The following FBXL7 variants were observed in gnomAD, a reference collection of about 807,000 sequenced individuals.
FBXL7 encodes F-box and leucine rich repeat protein 7.
In FBXL7, 12 loss-of-function variants were observed where a neutral mutation model predicts 38.3. The ratio of observed to expected loss-of-function variants is 0.31; its 90% CI spans 0.20 to 0.51. The LOEUF (loss-of-function observed/expected upper bound fraction) is 0.51. FBXL7 is among the 20% of genes least tolerant of loss of function. FBXL7 has a pLI of 0.98. For missense variants in FBXL7, 567 were observed against 676.4 expected (o/e 0.84, Z 1.79); for synonymous variants, 297 against 300.9 (o/e 0.99, Z 0.13).
At chr5:15,898,242 A>G (rs980494145) in intron 2 of FBXL7, among the ~76,000 whole-genome samples, 11 of 152,204 alleles carry the variant, frequency 7.2e-5, no homozygotes, top group African/African-American at 2.2e-4. Flanking sequence ...TCAGCCAGCA[A>G]CTATCCATCA....
intron 2 of FBXL7, among the ~76,000 whole-genome samples, chr5:15,668,860 A>G (rs188191935): frequency 3.3e-5 from 5 of 152,344 alleles, no homozygotes; most frequent in Admixed American, 1.3e-4. Context: ...CTATGAAATT[A>G]TATTTCTTGT....
intron 2 of FBXL7, among the ~76,000 whole-genome samples, chr5:15,890,734 G>T (rs1305688011): frequency 6.6e-6 from 1 of 152,152 alleles, no homozygotes; most frequent in Non-Finnish European, 1.5e-5. Flanking sequence ...GTGCCGAAAA[G>T]GCTGGGGACC....
chr5:15,683,575 G>A lies in FBXL7; in HGVS notation c.127+67503G>A, dbSNP rs145238260. Among the ~76,000 whole-genome samples, 8 of 152,248 alleles carry A rather than the reference G, an allele frequency of 5.3e-5. No individual in the cohort carries two copies. In the East Asian group the frequency reaches 1.4e-3, roughly 26 times the overall value. On this transcript the variant is annotated intron_variant, in intron 2 of 3. Transcript: ENST00000504595. ...AGGGTGGAAATTTTAATGTATCTAGGAAGAAAGGAAATTTATTTCACAATA... is the reference window on the plus strand; with the variant it reads ...AGGGTGGAAATTTTAATGTATCTAGAAAGAAAGGAAATTTATTTCACAATA...
At chr5:15,530,185 T>G (rs541895166) in intron 1 of FBXL7, among the ~76,000 whole-genome samples, 1 of 152,320 alleles carries the variant, frequency 6.6e-6, no homozygotes, top group Non-Finnish European at 1.5e-5. Context: ...CCTCCTTACT[T>G]TACATTAAGT....
intron 2 of FBXL7, among the ~76,000 whole-genome samples, chr5:15,637,540 A>G (rs1176388920): frequency 6.6e-6 from 1 of 152,242 alleles, no homozygotes; most frequent in Non-Finnish European, 1.5e-5. Flanking sequence ...AGTTCTTTCA[A>G]TGGTAAGAGC....
At chr5:15,569,741 T>C (rs1193628947) in intron 1 of FBXL7, among the ~76,000 whole-genome samples, 3 of 152,298 alleles carry the variant, frequency 2.0e-5, no homozygotes, top group African/African-American at 7.2e-5. Flanking sequence ...CATAGATAGC[T>C]CTTTTTATTT....
At chr5:15,924,856 G>A (rs1459008974) in intron 2 of FBXL7, among the ~76,000 whole-genome samples, 4 of 152,030 alleles carry the variant, frequency 2.6e-5, no homozygotes, top group African/African-American at 9.7e-5. Flanking sequence ...CAAACTCTTG[G>A]CCTCAAGTGA....
intron 2 of FBXL7, among the ~76,000 whole-genome samples, chr5:15,912,826 C>T (rs1028725826): frequency 1.3e-5 from 2 of 152,024 alleles, no homozygotes; most frequent in Non-Finnish European, 2.9e-5. Context: ...AAGCCCTGCC[C>T]TAGAAAGGGG....
intron 1 of FBXL7, among the ~76,000 whole-genome samples, chr5:15,529,005 C>T (rs1027935444): frequency 6.6e-6 from 1 of 152,110 alleles, no homozygotes; most frequent in South Asian, 2.1e-4. Context: ...CCATGTTGTA[C>T]GCTAGACCTC....
chr5:15,935,806 C>T (rs1742167133), intron 3 of FBXL7, among the ~76,000 whole-genome samples: 2 of 152,200 alleles, frequency 1.3e-5, no homozygotes, highest in Non-Finnish European at 2.9e-5. Context: ...TCTCTCATTG[C>T]ATCCTCATTA....
At chr5:15,672,797 C>T (rs918303445) in intron 2 of FBXL7, among the ~76,000 whole-genome samples, 1 of 152,038 alleles carries the variant, frequency 6.6e-6, no homozygotes, top group Non-Finnish European at 1.5e-5. Context: ...TTAAGTGATC[C>T]TCCCGCCTTG....
At chr5:15,577,858 A>G (rs977890741) in intron 1 of FBXL7, among the ~76,000 whole-genome samples, 3 of 152,170 alleles carry the variant, frequency 2.0e-5, no homozygotes, top group Admixed American at 6.6e-5. Context: ...AAAAATAATC[A>G]TAGGTTATTG....
intron 2 of FBXL7, among the ~76,000 whole-genome samples, chr5:15,868,553 T>G (rs1025488168): frequency 3.3e-5 from 5 of 152,204 alleles, no homozygotes; most frequent in African/African-American, 1.2e-4. Context: ...AGTGGCCACA[T>G]TCTGTACATG....
chr5:15,798,104 A>G (rs1737464057), intron 2 of FBXL7, among the ~76,000 whole-genome samples: 1 of 152,206 alleles, frequency 6.6e-6, no homozygotes, highest in Non-Finnish European at 1.5e-5. Context: ...CATTGGTGCC[A>G]TTTCACATAG....
At chr5:15,824,866 T>A (rs1738268716) in intron 2 of FBXL7, among the ~76,000 whole-genome samples, 1 of 152,212 alleles carries the variant, frequency 6.6e-6, no homozygotes, top group South Asian at 2.1e-4. Context: ...AAGACAGTTT[T>A]AAAATTGTCA....
intron 2 of FBXL7, among the ~76,000 whole-genome samples, chr5:15,738,156 A>G (rs1252696208): frequency 6.6e-6 from 1 of 152,174 alleles, no homozygotes; most frequent in South Asian, 2.1e-4. Context: ...ACAGAGTCAC[A>G]TGGCCTGGAT....
At chr5:15,808,153 T>C (rs772203637) in intron 2 of FBXL7, among the ~76,000 whole-genome samples, 31 of 151,796 alleles carry the variant, frequency 2.0e-4, no homozygotes, top group Non-Finnish European at 3.4e-4. Context: ...TTCTTCCAAA[T>C]AAGCTGAAAT....
intron 2 of FBXL7, among the ~76,000 whole-genome samples, chr5:15,747,181 G>A (rs576938963): frequency 6.6e-6 from 1 of 152,216 alleles, no homozygotes; most frequent in South Asian, 2.1e-4. Flanking sequence ...AGAAAAACGA[G>A]GCAATTACAT....
rs1739937995 is a variant in FBXL7, at chr5:15,604,563, CAGG to C, written c.38-11419_38-11417del. Among the ~76,000 whole-genome samples the C allele has an allele frequency of 5.9e-5, 9 of 152,226 alleles. No individual in the cohort carries two copies. The South Asian group carries it at 1.9e-3, about 32-fold the overall frequency. ...ACAGACAGGGTTTCGCCATGTTGGT[CAGG>C]CTGATCTCAAACTCCTGACCTCAAG... On this transcript the variant is annotated intron_variant, in intron 1 of 3. Transcript: ENST00000504595.
Sources: gnomAD v4.1 joint callset for allele counts (sites outside exome capture counted in the v4.1 genomes callset) on GRCh38, gnomAD v4.1.1 for gene constraint, MANE v1.5 for transcripts, NCBI Gene and HGNC (gene_info 2026-07-23, HGNC 2026-07-21) for gene names.